Variants in PPP2R2B observed in about 807,000 individuals in gnomAD.
PPP2R2B encodes protein phosphatase 2 regulatory subunit Bbeta, also known as serine/threonine-protein phosphatase 2A 55 kDa regulatory subunit B beta isoform.
A neutral mutation model predicts 46.0 loss-of-function variants in PPP2R2B; 5 were observed. That is an observed-to-expected ratio of 0.11 (90% CI 0.06 to 0.23). PPP2R2B has a LOEUF of 0.23. Among genes scored for constraint, PPP2R2B ranks in the 10% least tolerant of loss-of-function variants. PPP2R2B has a pLI of 1.00. For synonymous variants in PPP2R2B, 215 were observed against 206.7 expected (o/e 1.04, Z -0.34); for missense variants, 367 against 575.0 (o/e 0.64, Z 3.70).
chr5:146,867,659 C>A lies in PPP2R2B; in HGVS notation c.70+10343G>T, dbSNP rs566497044. ...AGAGCCAGGTGGGCTCTGATTCCAC[C>A]ACTTCGGCCACCTCATGATAACAGA... is the stretch of plus-strand genomic sequence containing the variant. On this transcript the variant is annotated intron_variant, in intron 2 of 9. Coordinates refer to ENST00000394411, the MANE Select transcript of PPP2R2B (RefSeq NM_181675.4). 1.6e-4 allele frequency among the ~76,000 whole-genome samples: 24 copies of A among 152,240 alleles called. 1 individual carries two copies. The South Asian group carries it at 2.3e-3, about 14-fold the overall frequency.
intron 1 of PPP2R2B, among the ~76,000 whole-genome samples, chr5:147,029,148 TTAATG>T (rs986871170): frequency 1.3e-5 from 2 of 152,224 alleles, no homozygotes; most frequent in South Asian, 4.1e-4. Flanking sequence ...AAATTTAACT[TTAATG>T]TAGTCTAATT....
Position 146,711,511 on chromosome 5 carries a change from G to T in PPP2R2B, c.71-10369C>A, listed in dbSNP as rs1780211453. On this transcript the variant is annotated intron_variant, in intron 2 of 9. Transcript: ENST00000394411. Reference sequence around the variant, plus strand: ...TAAATAATAGATCTTGTCCTAAAAAGCCTTTGCAGCACTGTCAGGGATTCA... The same window carrying T: ...TAAATAATAGATCTTGTCCTAAAAATCCTTTGCAGCACTGTCAGGGATTCA... Among the ~76,000 whole-genome samples, 3 of 152,154 alleles carry T rather than the reference G, an allele frequency of 2.0e-5. No homozygotes were observed. In the South Asian group the frequency reaches 6.2e-4, roughly 32 times the overall value.
chr5:146,912,512 CT>C (rs58947506), intron 1 of PPP2R2B, among the ~76,000 whole-genome samples: 2,492 of 144,384 alleles, frequency 0.017, 54 homozygotes, highest in African/African-American at 0.057. Flanking sequence ...TTTCTTTTTT[CT>C]TTTTTTTTTT....
intron 7 of PPP2R2B, among the ~76,000 whole-genome samples, chr5:146,605,568 G>A (rs1227139032): frequency 6.6e-6 from 1 of 152,188 alleles, no homozygotes; most frequent in Non-Finnish European, 1.5e-5. Flanking sequence ...ATTATAGAAT[G>A]TTCAGCAACA....
intron 1 of PPP2R2B, among the ~76,000 whole-genome samples, chr5:147,026,548 A>G (rs1580822401): frequency 1.3e-5 from 2 of 152,166 alleles, no homozygotes; most frequent in South Asian, 2.1e-4. Context: ...CTCTCTATAT[A>G]TGTCAAAACT....
intron 1 of PPP2R2B, among the ~76,000 whole-genome samples, chr5:146,987,346 A>G (rs1046421035): frequency 6.6e-6 from 1 of 152,138 alleles, no homozygotes; most frequent in Non-Finnish European, 1.5e-5. Flanking sequence ...CACTGACAAA[A>G]GTATATACTG....
chr5:146,968,981 T>C (rs1286003652), intron 1 of PPP2R2B, among the ~76,000 whole-genome samples: 1 of 152,232 alleles, frequency 6.6e-6, no homozygotes, highest in Non-Finnish European at 1.5e-5. Flanking sequence ...TAACAACCAG[T>C]TCAAAACAAT....
At chr5:146,832,200 A>G (rs1367747144) in intron 2 of PPP2R2B, among the ~76,000 whole-genome samples, 1 of 152,090 alleles carries the variant, frequency 6.6e-6, no homozygotes, top group Non-Finnish European at 1.5e-5. Flanking sequence ...ATTATTGAAG[A>G]AAGACTTTTA....
chr5:146,793,686 G>C (rs527715116), intron 2 of PPP2R2B, among the ~76,000 whole-genome samples: 1 of 152,124 alleles, frequency 6.6e-6, no homozygotes, highest in Admixed American at 6.5e-5. Flanking sequence ...CTGTGTTCCT[G>C]TCACCCAATA....
intron 1 of PPP2R2B, among the ~76,000 whole-genome samples, chr5:146,993,546 A>G (rs1297314307): frequency 6.6e-6 from 1 of 152,194 alleles, no homozygotes; most frequent in Non-Finnish European, 1.5e-5. Flanking sequence ...CCAGCTGGTG[A>G]TAGAAAAATC....
chr5:146,592,424 T>G (rs766958814), intron 9 of PPP2R2B, among the ~76,000 whole-genome samples: 4 of 152,254 alleles, frequency 2.6e-5, no homozygotes, highest in Non-Finnish European at 4.4e-5. Flanking sequence ...ATCATTTGTA[T>G]TTGTCAAACT....
chr5:146,844,288 G>A (rs1406657709), intron 2 of PPP2R2B, among the ~76,000 whole-genome samples: 6 of 150,238 alleles, frequency 4.0e-5, no homozygotes. Context: ...CACCAGCATG[G>A]CACATGTATA....
At chr5:146,920,359 G>A (rs1216292943) in intron 1 of PPP2R2B, among the ~76,000 whole-genome samples, 1 of 152,224 alleles carries the variant, frequency 6.6e-6, no homozygotes, top group East Asian at 1.9e-4. Flanking sequence ...AATACAGTGA[G>A]AGGCACACAG....
chr5:146,676,619 T>C (rs888098030), intron 5 of PPP2R2B, among the ~76,000 whole-genome samples: 3 of 152,198 alleles, frequency 2.0e-5, no homozygotes, highest in African/African-American at 7.2e-5. Context: ...TCTGCTCTCC[T>C]GTACACCATT....
At chr5:146,857,833 A>G (rs1331322420) in intron 2 of PPP2R2B, among the ~76,000 whole-genome samples, 2 of 152,070 alleles carry the variant, frequency 1.3e-5, no homozygotes, top group Non-Finnish European at 2.9e-5. Context: ...GATTACAGGC[A>G]TGTGCCACCA....
intron 3 of PPP2R2B, among the ~76,000 whole-genome samples, chr5:146,700,620 T>C (rs533803117): frequency 1.3e-5 from 2 of 152,214 alleles, no homozygotes; most frequent in African/African-American, 2.4e-5. Flanking sequence ...TCTTCTCTGC[T>C]GTCCCAAGTT....
intron 2 of PPP2R2B, among the ~76,000 whole-genome samples, chr5:147,079,427 ACAC>A (rs1461076575): frequency 8.5e-6 from 1 of 117,004 alleles, no homozygotes; most frequent in East Asian, 2.5e-4. Flanking sequence ...ACAAACACAC[ACAC>A]ATTTTATATA....
At chr5:146,615,939 T>G (rs369442889) in intron 7 of PPP2R2B, among the ~76,000 whole-genome samples, 1 of 152,104 alleles carries the variant, frequency 6.6e-6, no homozygotes, top group East Asian at 1.9e-4. Context: ...CAAGGCTATC[T>G]TAAGCAAAAA....
intron 1 of PPP2R2B, among the ~76,000 whole-genome samples, chr5:147,001,737 A>G (rs1290393719): frequency 6.6e-6 from 1 of 152,126 alleles, no homozygotes; most frequent in Non-Finnish European, 1.5e-5. Context: ...GGGCTAAATA[A>G]CAGGCACTTG....
Sources: allele counts gnomAD v4.1 joint callset (sites outside exome capture counted in the v4.1 genomes callset), GRCh38; gene constraint gnomAD v4.1.1; transcripts MANE v1.5; gene names NCBI Gene and HGNC (gene_info 2026-07-23, HGNC 2026-07-21).